Variants in ZNF831 observed in about 807,000 individuals in gnomAD.
ZNF831 encodes the protein zinc finger protein 831.
In ZNF831, 59 loss-of-function variants were observed where a neutral mutation model predicts 95.8. That is an observed-to-expected ratio of 0.62 (90% CI 0.50 to 0.77). ZNF831 has a LOEUF of 0.77. Ranked by LOEUF, ZNF831 falls within the 30% of genes least tolerant of loss-of-function variation. The pLI is 0.00. For missense variants in ZNF831, 2,205 were observed against 2,164.0 expected (o/e 1.02, Z -0.38); for synonymous variants, 961 against 925.5 (o/e 1.04, Z -0.70).
chr20:59,251,861 G>A (rs994304363), intron 4 of ZNF831, among the ~76,000 whole-genome samples: 4 of 152,196 alleles, frequency 2.6e-5, no homozygotes, highest in Non-Finnish European at 5.9e-5. Context: ...CAACGTAATC[G>A]TAGTATACTA....
At chr20:59,253,441 C>G (rs1198573761) in intron 5 of ZNF831, among the ~76,000 whole-genome samples, 1 of 152,102 alleles carries the variant, frequency 6.6e-6, no homozygotes, top group Admixed American at 6.5e-5. Flanking sequence ...CATGAAGCCC[C>G]CCCAGACAGA....
intron 1 of ZNF831, among the ~76,000 whole-genome samples, chr20:59,130,510 G>A (rs376908615): frequency 4.1e-4 from 62 of 152,286 alleles, no homozygotes; most frequent in South Asian, 1.2e-3. Flanking sequence ...AGTTTGAGGC[G>A]TTTGGCTTCC....
Position 59,253,861 on chromosome 20 carries a change from C to CA in ZNF831, c.4189-37_4189-36insA, listed in dbSNP as rs766365572. 21 of 1,066,156 alleles carry CA rather than the reference C, an allele frequency of 2.0e-5. 2 individuals are homozygous for CA. Among genetic ancestry groups the CA allele is most frequent in the South Asian group, 5.3e-5 (3 of 56,804 alleles). The allele number at this position is 1,066,156 out of a possible 1,614,324, so 66.0% of individuals were successfully genotyped here. A position where few individuals can be genotyped will look rare whatever the true frequency, so the allele number is the denominator to read the frequency against. On this transcript the variant is annotated intron_variant, in intron 5 of 5. Transcript: ENST00000371030. The stretch of plus-strand genomic sequence containing the variant: ...ATTTTTCTTTGTACCAATTAACCTC[C>CA]CCCCCCACTTTTTTTTTCCTTTGCA...
intron 1 of ZNF831, among the ~76,000 whole-genome samples, chr20:59,168,398 T>C (rs1321156315): frequency 6.6e-6 from 1 of 152,094 alleles, no homozygotes; most frequent in East Asian, 1.9e-4. Flanking sequence ...TAATTGACTT[T>C]TGTGTGTTGA....
rs372336686 is a variant in ZNF831 at position 59,206,941 on chromosome 20, G to C, written c.3912G>C (p.Leu1304=). 13 of 1,614,196 alleles carry C rather than the reference G, an allele frequency of 8.1e-6. No homozygotes were observed. In the South Asian group the frequency reaches 1.3e-4, roughly 16 times the overall value. Residue 1304 remains leucine (L), a synonymous_variant, in exon 4 of 6, where the codon CTG becomes CTC. Coordinates refer to ENST00000371030, the MANE Select transcript of ZNF831 (RefSeq NM_178457.3). ...KGNFLQSCVQ[L]RASRLRTPTW... is the part of the protein sequence containing the mutation. ...ATTTCTTGCAGAGCTGTGTTCAGCT[G>C]AGAGCCAGTAGACTTCGCACACCAA...
chr20:59,214,809 AT>A (rs1382632475), intron 4 of ZNF831, among the ~76,000 whole-genome samples: 1 of 152,236 alleles, frequency 6.6e-6, no homozygotes, highest in Non-Finnish European at 1.5e-5. Context: ...ATTATTCAGA[AT>A]GTAGGGAGGT....
chr20:59,210,461 T>G (rs1179990939), intron 4 of ZNF831, among the ~76,000 whole-genome samples: 1 of 152,198 alleles, frequency 6.6e-6, no homozygotes. Flanking sequence ...ACGCTGGCCC[T>G]GAGCATGAGG....
At chr20:59,138,147 T>G (rs1979570736) in intron 1 of ZNF831, among the ~76,000 whole-genome samples, 1 of 152,216 alleles carries the variant, frequency 6.6e-6, no homozygotes, top group Non-Finnish European at 1.5e-5. Context: ...AATTAAATGA[T>G]TGAAAACCAC....
At chr20:59,201,458 A>G (rs1367218898) in intron 3 of ZNF831, among the ~76,000 whole-genome samples, 2 of 152,154 alleles carry the variant, frequency 1.3e-5, no homozygotes, top group Admixed American at 6.5e-5. Flanking sequence ...AGCATCTTTT[A>G]AAAAGCAACT....
intron 4 of ZNF831, among the ~76,000 whole-genome samples, chr20:59,247,471 C>A (rs1987672408): frequency 6.6e-6 from 1 of 152,116 alleles, no homozygotes; most frequent in African/African-American, 2.4e-5. Flanking sequence ...GCTTGGTGCT[C>A]AGTAAATATT....
chr20:59,192,231 G>A lies in ZNF831; in HGVS notation c.1212G>A (p.Leu404=). ...GCCTGGAGCTGGAGAAGAAGCGGCT[G>A]GAGGAGCGCATCGCCCAGCTCATCT... ...EAGLELEKKR[L]EERIAQLISH... is the part of the protein sequence containing the mutation. The change falls in exon 2 of 6, where the codon CTG becomes CTA. Residue 404 remains leucine (L), a synonymous_variant. Transcript: ENST00000371030. The surrounding 1 kb of genome is among the most constrained non-coding windows in gnomAD (Gnocchi z 5.2). 6.3e-7 allele frequency: 1 copy of A among 1,594,152 alleles called. No individual in the cohort carries two copies. The highest frequency in any genetic ancestry group is 8.5e-7 in the Non-Finnish European group (1 of 1,171,258).
chr20:59,174,829 A>C (rs1011478710), intron 1 of ZNF831, among the ~76,000 whole-genome samples: 8 of 152,190 alleles, frequency 5.3e-5, no homozygotes, highest in African/African-American at 1.9e-4. Context: ...TACTGTTTCC[A>C]TTGTTCTTTT....
At chr20:59,161,220 A>G (rs1044447204), upstream of ZNF831, among the ~76,000 whole-genome samples, 2 of 152,110 alleles carry the variant, frequency 1.3e-5, no homozygotes, top group Non-Finnish European at 2.9e-5. Context: ...TAATTCCAGA[A>G]CATTTTCAAC....
Position 59,154,555 on chromosome 20 carries a change from G to T in ZNF831, c.-1280-5097G>T, listed in dbSNP as rs549298928. ...CATGAGGAGTTCCTCCTTTTGCATTGCCCTTGCTGCTTCTCTTAATGACTT... is the reference window on the plus strand; with the variant it reads ...CATGAGGAGTTCCTCCTTTTGCATTTCCCTTGCTGCTTCTCTTAATGACTT... On this transcript the variant is annotated intron_variant, in intron 2 of 7. Coordinates refer to the ZNF831 transcript ENST00000637017. Among the ~76,000 whole-genome samples the T allele has an allele frequency of 1.4e-4, 22 of 152,170 alleles. 1 individual carries two copies. Among genetic ancestry groups the T allele is most frequent in the South Asian group, 8.3e-4 (4 of 4,810 alleles).
chr20:59,223,700 T>C (rs909377920), intron 4 of ZNF831, among the ~76,000 whole-genome samples: 1 of 152,246 alleles, frequency 6.6e-6, no homozygotes, highest in African/African-American at 2.4e-5. Context: ...CTTTGAATCA[T>C]ATAACCTTGG....
At position 59,226,374 on chromosome 20, in the gene ZNF831, C is replaced by A. The variant is rs571853299; in HGVS notation, c.4027+19318C>A. On this transcript the variant is annotated intron_variant, in intron 4 of 5. Transcript: ENST00000371030. Reference sequence around the variant, plus strand: ...GATGCTGTTGGTGTCCTGTCTAGAACCCCTCTCCACCAGGCCAGGCCTCCA... The same window carrying A: ...GATGCTGTTGGTGTCCTGTCTAGAAACCCTCTCCACCAGGCCAGGCCTCCA... Among the ~76,000 whole-genome samples, 656 of 152,164 alleles carry A rather than the reference C, an allele frequency of 4.3e-3. 1 individual carries two copies. The highest frequency in any genetic ancestry group is 8.3e-3 in the South Asian group (40 of 4,812).
In ZNF831 at chr20:59,204,389, T is replaced by TGCTGCATGTGACCCCC. The variant is rs140422806; in HGVS notation, c.3876-2515_3876-2500dup. 3.8e-3 allele frequency among the ~76,000 whole-genome samples: 584 copies of TGCTGCATGTGACCCCC among 152,342 alleles called. 6 individuals are homozygous for TGCTGCATGTGACCCCC. The highest frequency in any genetic ancestry group is 0.014 in the African/African-American group (565 of 41,578). ...TGTGGCCCTGAGTCCACGTGGCCTC[T>TGCTGCATGTGACCCCC]GCTGCATGTGACCCCCACCACATGT... On this transcript the variant is annotated intron_variant, in intron 3 of 5. Coordinates refer to ENST00000371030, the MANE Select transcript of ZNF831 (RefSeq NM_178457.3).
Position 59,193,138 on chromosome 20 carries a change from C to T in ZNF831, c.2119C>T (p.Pro707Ser), listed in dbSNP as rs2146577688. 1 of 1,578,630 alleles carries T rather than the reference C, an allele frequency of 6.3e-7. No individual in the cohort carries two copies. The highest frequency in any genetic ancestry group is 1.4e-5 in the African/African-American group (1 of 73,976). ...CCTGGAGGCCTCCTTGGTGACTGAA[C>T]CCACTAAGCATGGGGAGACGGTGGC... ...PALEASLVTEPTKHGETVARR... is the reference protein window; with the variant it reads ...PALEASLVTESTKHGETVARR... Residue 707 changes from proline to serine, a missense_variant, in exon 2 of 6, where the codon CCC becomes TCC. Transcript: ENST00000371030.
chr20:59,192,636 A>C lies in ZNF831; in HGVS notation c.1617A>C (p.Pro539=), dbSNP rs780062540. ...TQKPLSPRPG[P]ARLGCRSGLS... is the part of the protein sequence containing the mutation. ...AGCCTCTGAGCCCCAGGCCCGGCCCAGCCCGCCTGGGCTGCCGCTCGGGAC... is the reference window on the plus strand; with the variant it reads ...AGCCTCTGAGCCCCAGGCCCGGCCCCGCCCGCCTGGGCTGCCGCTCGGGAC... The change falls in exon 2 of 6, where the codon CCA becomes CCC. Residue 539 remains proline (P), a synonymous_variant. Coordinates refer to ENST00000371030, the MANE Select transcript of ZNF831 (RefSeq NM_178457.3). This position sits in a 1 kb window ranked among gnomAD's most constrained non-coding sequence, Gnocchi z 5.2. The C allele has an allele frequency of 2.7e-6, 4 of 1,500,620 alleles. No homozygotes were observed. In the East Asian group the frequency reaches 7.1e-5, roughly 27 times the overall value. 93.0% of individuals were successfully genotyped at this position (1,500,620 alleles called of 1,614,324 possible).
Sources: gnomAD v4.1 joint callset for allele counts (sites outside exome capture counted in the v4.1 genomes callset) on GRCh38, gnomAD v4.1.1 for gene constraint, Gnocchi (gnomAD v3.1) non-coding constraint, MANE v1.5 for transcripts, NCBI Gene and HGNC (gene_info 2026-07-23, HGNC 2026-07-21) for gene names.